HPSE2: variants seen among roughly 807,000 people sequenced by gnomAD.
HPSE2 encodes the protein heparanase 2 (inactive).
In HPSE2, 38 loss-of-function variants were observed where a neutral mutation model predicts 60.5. That is an observed-to-expected ratio of 0.63 (90% CI 0.48 to 0.82). The LOEUF (loss-of-function observed/expected upper bound fraction) is 0.82, where lower values mean the gene tolerates loss of function less well. HPSE2 is among the 40% of genes least tolerant of loss of function. The probability of loss-of-function intolerance (pLI) is 0.00; values close to 1 mark genes in which losing one functional copy is unlikely to be tolerated. For synonymous variants in HPSE2, 295 were observed against 293.2 expected (o/e 1.01, Z -0.06); for missense variants, 713 against 740.4 (o/e 0.96, Z 0.43).
At chr10:98,704,795 A>G (rs1259476054) in intron 5 of HPSE2, among the ~76,000 whole-genome samples, 1 of 152,210 alleles carries the variant, frequency 6.6e-6, no homozygotes, top group Non-Finnish European at 1.5e-5. Context: ...AAAACCCCAA[A>G]CCATAAGAAC....
At chr10:98,745,720 T>C (rs745476050) in intron 3 of HPSE2, among the ~76,000 whole-genome samples, 1 of 152,208 alleles carries the variant, frequency 6.6e-6, no homozygotes, top group Non-Finnish European at 1.5e-5. Flanking sequence ...TGACTTCAGG[T>C]AGTACACAGT....
chr10:98,901,340 T>C (rs1953661046), intron 3 of HPSE2, among the ~76,000 whole-genome samples: 1 of 152,210 alleles, frequency 6.6e-6, no homozygotes, highest in African/African-American at 2.4e-5. Context: ...CATTTTATTG[T>C]GTGTTAATTT....
intron 2 of HPSE2, among the ~76,000 whole-genome samples, chr10:99,155,902 A>T (rs1306713255): frequency 6.6e-6 from 1 of 151,970 alleles, no homozygotes; most frequent in Non-Finnish European, 1.5e-5. Flanking sequence ...ACACAATAAA[A>T]AATGATAAAG....
chr10:99,046,556 T>A (rs1350899021), intron 3 of HPSE2, among the ~76,000 whole-genome samples: 1 of 152,122 alleles, frequency 6.6e-6, no homozygotes, highest in Non-Finnish European at 1.5e-5. Flanking sequence ...TTGCTGCCGA[T>A]ATGATTCTAT....
At chr10:99,283,364 T>G in the HPSE2 span, among the ~76,000 whole-genome samples, 1 of 151,348 alleles carries the variant, frequency 6.6e-6, no homozygotes, top group East Asian at 2.0e-4. Flanking sequence ...ACAGGCTGGC[T>G]GCAGTGGCTC....
intron 3 of HPSE2, among the ~76,000 whole-genome samples, chr10:98,855,872 A>G (rs1373423604): frequency 6.6e-6 from 1 of 151,998 alleles, no homozygotes; most frequent in Non-Finnish European, 1.5e-5. Context: ...TAGACTCACA[A>G]GGAATGCCTG....
At chr10:99,065,742 T>C (rs1406032634) in intron 3 of HPSE2, among the ~76,000 whole-genome samples, 1 of 152,072 alleles carries the variant, frequency 6.6e-6, no homozygotes, top group Non-Finnish European at 1.5e-5. Flanking sequence ...CAGACAAAAG[T>C]GGGTGGGAGG....
At chr10:98,897,511 A>T (rs1054903968) in intron 3 of HPSE2, among the ~76,000 whole-genome samples, 4 of 152,172 alleles carry the variant, frequency 2.6e-5, no homozygotes, top group Non-Finnish European at 5.9e-5. Flanking sequence ...CATGACATAC[A>T]CATTAATAGA....
chr10:99,188,381 C>G (rs554106496), intron 2 of HPSE2, among the ~76,000 whole-genome samples: 19 of 152,230 alleles, frequency 1.2e-4, no homozygotes, highest in African/African-American at 4.3e-4. Flanking sequence ...TTTATCAAAA[C>G]TCACCAAATT....
At chr10:99,294,702 G>A in the HPSE2 span, among the ~76,000 whole-genome samples, 1 of 152,010 alleles carries the variant, frequency 6.6e-6, no homozygotes, top group African/African-American at 2.4e-5. Context: ...GGGAGGCCGA[G>A]GCCGGTAGAT....
At chr10:98,468,972 G>A (rs558149281) in intron 11 of HPSE2, among the ~76,000 whole-genome samples, 2 of 152,256 alleles carry the variant, frequency 1.3e-5, no homozygotes, top group Non-Finnish European at 2.9e-5. Flanking sequence ...TCTAGCTTCT[G>A]TATCACTGAC....
At chr10:98,642,719 T>C (rs1490645910) in intron 6 of HPSE2, among the ~76,000 whole-genome samples, 1 of 152,198 alleles carries the variant, frequency 6.6e-6, no homozygotes, top group Non-Finnish European at 1.5e-5. Flanking sequence ...TTGCTGAAGA[T>C]TAAGCTAAGG....
chr10:98,496,912 AAC>A (rs1941860755), intron 9 of HPSE2, among the ~76,000 whole-genome samples: 1 of 152,102 alleles, frequency 6.6e-6, no homozygotes, highest in African/African-American at 2.4e-5. Flanking sequence ...ATTATAGGAA[AAC>A]ACATCAATAT....
Position 98,774,483 on chromosome 10 carries a change from T to C in HPSE2, c.611-30427A>G, listed in dbSNP as rs540255665. 3.9e-5 allele frequency among the ~76,000 whole-genome samples: 6 copies of C among 152,306 alleles called. No individual in the cohort carries two copies. In the East Asian group the frequency reaches 1.2e-3, roughly 29 times the overall value. On this transcript the variant is annotated intron_variant, in intron 3 of 11. Coordinates refer to ENST00000370552, the MANE Select transcript of HPSE2 (RefSeq NM_021828.5). ...TTGACTGTATTGTTAGTGTTATCCA[T>C]GTGGGAGAAACCTAAGTCAGCTGCA...
intron 3 of HPSE2, among the ~76,000 whole-genome samples, chr10:98,834,578 G>C (rs1354397451): frequency 6.6e-6 from 1 of 152,080 alleles, no homozygotes; most frequent in Non-Finnish European, 1.5e-5. Flanking sequence ...AAAAAGAGGA[G>C]CAAGTAGAAA....
intron 3 of HPSE2, among the ~76,000 whole-genome samples, chr10:99,107,342 C>T (rs1038494016): frequency 2.6e-5 from 4 of 152,222 alleles, no homozygotes; most frequent in African/African-American, 7.2e-5. Flanking sequence ...CTTTTAAGTA[C>T]CAATCAGTTT....
intron 3 of HPSE2, among the ~76,000 whole-genome samples, chr10:99,008,442 A>C (rs2135392660): frequency 6.6e-6 from 1 of 152,350 alleles, no homozygotes; most frequent in East Asian, 1.9e-4. Context: ...AAAAGGAAAG[A>C]AACAGAAGTC....
At chr10:98,533,142 G>A (rs1300953874) in intron 9 of HPSE2, among the ~76,000 whole-genome samples, 3 of 152,198 alleles carry the variant, frequency 2.0e-5, no homozygotes, top group African/African-American at 7.2e-5. Flanking sequence ...CTTTCCAGCT[G>A]AAGTTTGGCC....
At chr10:98,716,715 G>A (rs1948799514) in intron 5 of HPSE2, among the ~76,000 whole-genome samples, 1 of 152,088 alleles carries the variant, frequency 6.6e-6, no homozygotes, top group Non-Finnish European at 1.5e-5. Flanking sequence ...GGGTGAGTTA[G>A]CAGGCTTAAA....
Sources: gnomAD v4.1 joint callset for allele counts (sites outside exome capture counted in the v4.1 genomes callset) on GRCh38, gnomAD v4.1.1 for gene constraint, MANE v1.5 for transcripts, NCBI Gene and HGNC (gene_info 2026-07-23, HGNC 2026-07-21) for gene names.